The following RTL9 variants were observed in gnomAD, a reference collection of about 807,000 sequenced individuals.
RTL9 encodes retrotransposon Gag-like protein 9.
A neutral mutation model predicts 44.7 loss-of-function variants in RTL9; 19 were observed. That is an observed-to-expected ratio of 0.42 (90% confidence interval 0.30 to 0.62). The LOEUF is 0.62. Among genes scored for constraint, RTL9 ranks in the 20% least tolerant of loss-of-function variants. The pLI, the probability that RTL9 is intolerant of heterozygous loss-of-function variation, is 0.16. For synonymous variants in RTL9, 407 were observed against 398.9 expected (o/e 1.02, Z -0.24); for missense variants, 1,105 against 1,080.6 (o/e 1.02, Z -0.32).
chrX:110,394,544 A>G (rs60537533), intron 1 of RTL9, among the ~76,000 whole-genome samples: 5,443 of 112,663 alleles, frequency 0.048, 151 homozygotes, highest in African/African-American at 0.1. Flanking sequence ...ACTCTTGTTT[A>G]TATCAATTAG....
chrX:110,391,758 G>C (rs751523104), intron 1 of RTL9, among the ~76,000 whole-genome samples: 19 of 112,239 alleles, frequency 1.7e-4, no homozygotes, highest in Non-Finnish European at 3.2e-4. Flanking sequence ...CAACTCTCTT[G>C]TGCCAGACAC....
Position 110,444,076 on chromosome X carries a change from T to C in RTL9, c.-167-1077T>C, listed in dbSNP as rs987376747. 1.1e-4 allele frequency among the ~76,000 whole-genome samples: 12 copies of C among 112,464 alleles called. No individual in the cohort carries two copies. In the East Asian group the frequency reaches 3.1e-3, roughly 29 times the overall value. Reference sequence around the variant, plus strand: ...TAAGAACTATCCCTGGGAAGACTAGTGGTCTGAAGTTTGCTTGGAGAGTCT... The same window carrying C: ...TAAGAACTATCCCTGGGAAGACTAGCGGTCTGAAGTTTGCTTGGAGAGTCT... On this transcript the variant is annotated intron_variant, in intron 1 of 3. Coordinates refer to the RTL9 transcript ENST00000465301.
exon 1 of RTL9, chrX:110,451,388 G>T (rs766221118): frequency 8.3e-7 from 1 of 1,211,464 alleles, no homozygotes; most frequent in East Asian, 3.0e-5. Flanking sequence ...AGATATCTTC[G>T]CTGCTAATGT....
intron 1 of RTL9, among the ~76,000 whole-genome samples, chrX:110,443,801 GA>G (rs2068894975): frequency 2.7e-5 from 3 of 112,448 alleles, no homozygotes; most frequent in African/African-American, 9.7e-5. Context: ...GAACATGAGA[GA>G]AAATTACCAA....
chrX:110,371,216 C>T (rs199500419), intron 1 of RTL9, among the ~76,000 whole-genome samples: 1 of 110,167 alleles, frequency 9.1e-6, no homozygotes, highest in Non-Finnish European at 1.9e-5. Context: ...CTTTGTGTAC[C>T]CCCCGAGACT....
chrX:110,453,022 C>A, exon 1 of RTL9: 3 of 1,211,559 alleles, frequency 2.5e-6, no homozygotes, highest in Non-Finnish European at 3.4e-6. Context: ...AGAGCTCCAG[C>A]TTCTGGAGAG....
intron 1 of RTL9, among the ~76,000 whole-genome samples, chrX:110,395,998 A>G (rs1422154281): frequency 8.9e-6 from 1 of 111,859 alleles, no homozygotes; most frequent in Non-Finnish European, 1.9e-5. Flanking sequence ...TTTACAAAGA[A>G]CATAGAGAGG....
intron 1 of RTL9, among the ~76,000 whole-genome samples, chrX:110,441,823 C>T (rs1350855510): frequency 4.5e-5 from 5 of 111,842 alleles, no homozygotes; most frequent in Non-Finnish European, 1.9e-5. Flanking sequence ...ATACTTATTT[C>T]GTGCATGTAA....
At chrX:110,429,487 G>GTTTTTTTTTTTT (rs2068781307) in intron 1 of RTL9, among the ~76,000 whole-genome samples, 1 of 92,472 alleles carries the variant, frequency 1.1e-5, no homozygotes, top group Admixed American at 1.2e-4. Context: ...TTGTTTTTTT[G>GTTTTTTTTTTTT]GTTTTTTTGT....
At chrX:110,426,070 TGTGGCTTG>T (rs1160925030) in intron 1 of RTL9, among the ~76,000 whole-genome samples, 10 of 112,082 alleles carry the variant, frequency 8.9e-5, no homozygotes, top group African/African-American at 2.9e-4. Flanking sequence ...CATTCTCTAT[TGTGGCTTG>T]ATTTCTTCTG....
intron 1 of RTL9, among the ~76,000 whole-genome samples, chrX:110,380,949 T>C (rs373368141): frequency 8.9e-6 from 1 of 112,142 alleles, no homozygotes; most frequent in Non-Finnish European, 1.9e-5. Flanking sequence ...AACTCAAGAT[T>C]GATTAAAGAC....
At chrX:110,448,538 G>C (rs1257846342), upstream of RTL9, among the ~76,000 whole-genome samples, 1 of 108,575 alleles carries the variant, frequency 9.2e-6, no homozygotes, top group Non-Finnish European at 1.9e-5. Flanking sequence ...AGTTGCATAG[G>C]CCAAGTGCTA....
intron 1 of RTL9, among the ~76,000 whole-genome samples, chrX:110,408,430 T>C (rs2068617908): frequency 8.9e-6 from 1 of 112,401 alleles, no homozygotes. Flanking sequence ...ACTTGCAAAA[T>C]GAAAAATAGT....
In RTL9 at chrX:110,421,569, G is replaced by A. The variant is rs183476084; in HGVS notation, c.-168+2434G>A. On this transcript the variant is annotated intron_variant, in intron 1 of 3. Coordinates refer to the RTL9 transcript ENST00000465301. ...AAATTCGAGCATATTTGCATTTATC[G>A]ACAGGTATTACTGATGGTAGAACAT... Among the ~76,000 whole-genome samples, 130 of 112,579 alleles carry A rather than the reference G, an allele frequency of 1.2e-3. 1 individual carries two copies. The highest frequency in any genetic ancestry group is 1.8e-3 in the Non-Finnish European group (98 of 53,289).
intron 1 of RTL9, among the ~76,000 whole-genome samples, chrX:110,395,399 C>T (rs191840000): frequency 1.1e-4 from 12 of 112,133 alleles, no homozygotes; most frequent in African/African-American, 3.9e-4. Context: ...TGAACAATAG[C>T]AGTGCCCAGA....
chrX:110,455,513 G>A, exon 2 of RTL9: 1 of 444,488 alleles, frequency 2.2e-6, no homozygotes, highest in African/African-American at 2.4e-5. Context: ...CCTAAGACCT[G>A]CCCTGACAAT....
At chrX:110,443,316 C>A (rs749061147) in intron 1 of RTL9, among the ~76,000 whole-genome samples, 9 of 111,193 alleles carry the variant, frequency 8.1e-5, no homozygotes, top group Non-Finnish European at 1.5e-4. Context: ...AATGCAGGTT[C>A]CTTGGCGTCA....
intron 1 of RTL9, among the ~76,000 whole-genome samples, chrX:110,364,506 G>T (rs996180): frequency 0.039 from 4,304 of 111,201 alleles, 208 homozygotes; most frequent in African/African-American, 0.13. Flanking sequence ...TCTTTATTTG[G>T]TTTCCTAAGT....
At chrX:110,437,982 G>A (rs2068851442) in intron 1 of RTL9, among the ~76,000 whole-genome samples, 1 of 111,612 alleles carries the variant, frequency 9.0e-6, no homozygotes, top group Non-Finnish European at 1.9e-5. Context: ...TACATTAAGT[G>A]GGTCTTATTC....
Sources: allele counts gnomAD v4.1 joint callset (sites outside exome capture counted in the v4.1 genomes callset), GRCh38; gene constraint gnomAD v4.1.1; transcripts MANE v1.5; gene names NCBI Gene and HGNC (gene_info 2026-07-23, HGNC 2026-07-21).